Variants in SLC14A2 observed in about 807,000 individuals in gnomAD.
SLC14A2 encodes solute carrier family 14 member 2, also known as urea transporter 2.
SLC14A2 carries 91 observed loss-of-function variants against 104.6 expected under a neutral mutation model. That is an observed-to-expected ratio of 0.87 (90% confidence interval 0.73 to 1.04). The LOEUF (loss-of-function observed/expected upper bound fraction) is 1.04, where lower values mean the gene tolerates loss of function less well. Ranked by LOEUF, SLC14A2 falls within the 50% of genes least tolerant of loss-of-function variation. The pLI, the probability that SLC14A2 is intolerant of heterozygous loss-of-function variation, is 0.00. For missense variants in SLC14A2, 1,189 were observed against 1,156.0 expected (o/e 1.03, Z -0.41); for synonymous variants, 476 against 466.4 (o/e 1.02, Z -0.27).
intron 1 of SLC14A2, among the ~76,000 whole-genome samples, chr18:45,441,314 G>A (rs879782432): frequency 6.6e-6 from 1 of 152,206 alleles, no homozygotes; most frequent in East Asian, 1.9e-4. Context: ...TTGTGGAGGG[G>A]CATGATATTC....
intron 2 of SLC14A2, among the ~76,000 whole-genome samples, chr18:45,583,921 T>G (rs2044532758): frequency 6.6e-6 from 1 of 152,244 alleles, no homozygotes; most frequent in South Asian, 2.1e-4. Flanking sequence ...ATATGTGTAA[T>G]TTTAATTTTC....
At chr18:45,450,454 G>A (rs1335392209) in intron 1 of SLC14A2, among the ~76,000 whole-genome samples, 2 of 152,172 alleles carry the variant, frequency 1.3e-5, no homozygotes, top group Non-Finnish European at 2.9e-5. Context: ...GTAGCAGCAG[G>A]GATGGGAGAG....
chr18:45,275,882 G>T (rs909994167), intron 1 of SLC14A2, among the ~76,000 whole-genome samples: 1 of 152,176 alleles, frequency 6.6e-6, no homozygotes, highest in Non-Finnish European at 1.5e-5. Flanking sequence ...AAAATATGCA[G>T]GTCATTGAGA....
the SLC14A2 span, among the ~76,000 whole-genome samples, chr18:45,194,799 T>C: frequency 6.6e-6 from 1 of 151,564 alleles, no homozygotes; most frequent in Non-Finnish European, 1.5e-5. Flanking sequence ...GCACCTGCCA[T>C]CATGCCGGCT....
chr18:45,265,752 G>A (rs953233932), intron 1 of SLC14A2, among the ~76,000 whole-genome samples: 4 of 152,178 alleles, frequency 2.6e-5, no homozygotes, highest in Admixed American at 6.5e-5. Context: ...CCATCATTTG[G>A]GAAAGAAGTG....
chr18:45,499,393 T>G (rs1443343044), intron 2 of SLC14A2, among the ~76,000 whole-genome samples: 1 of 152,196 alleles, frequency 6.6e-6, no homozygotes, highest in Non-Finnish European at 1.5e-5. Flanking sequence ...TTCTGGTGAG[T>G]GCTCGACATT....
chr18:45,407,429 T>C (rs1378026911), intron 1 of SLC14A2, among the ~76,000 whole-genome samples: 1 of 152,240 alleles, frequency 6.6e-6, no homozygotes, highest in Non-Finnish European at 1.5e-5. Context: ...GTTGATCTTC[T>C]ATCTAGACCT....
chr18:45,565,972 G>A (rs2044260699), intron 2 of SLC14A2, among the ~76,000 whole-genome samples: 1 of 152,232 alleles, frequency 6.6e-6, no homozygotes, highest in African/African-American at 2.4e-5. Flanking sequence ...GTCAGGTGGG[G>A]ACATGTGTGT....
chr18:45,218,029 A>G (rs1044889355), intron 1 of SLC14A2, among the ~76,000 whole-genome samples: 3 of 152,212 alleles, frequency 2.0e-5, no homozygotes, highest in Non-Finnish European at 4.4e-5. Context: ...AAACATAAAT[A>G]ACATAAAATT....
intron 1 of SLC14A2, among the ~76,000 whole-genome samples, chr18:45,274,488 T>C (rs1347849848): frequency 6.6e-6 from 1 of 152,192 alleles, no homozygotes; most frequent in Non-Finnish European, 1.5e-5. Flanking sequence ...GTCCAAGCTT[T>C]CACAAGGTCC....
chr18:45,412,447 C>A (rs193020017), intron 1 of SLC14A2, among the ~76,000 whole-genome samples: 142 of 152,276 alleles, frequency 9.3e-4, no homozygotes, highest in African/African-American at 3.1e-3. Flanking sequence ...TGTGGTCCTG[C>A]CAGGTTGGCT....
chr18:45,328,426 C>T (rs12326278), intron 1 of SLC14A2, among the ~76,000 whole-genome samples: 7,018 of 152,246 alleles, frequency 0.046, 285 homozygotes, highest in African/African-American at 0.11. Context: ...AACTCTGTCA[C>T]AGCATTTTCA....
intron 1 of SLC14A2, among the ~76,000 whole-genome samples, chr18:45,352,748 G>GT (rs1283747954): frequency 1.3e-5 from 2 of 152,192 alleles, no homozygotes; most frequent in Non-Finnish European, 2.9e-5. Flanking sequence ...CTTCCCGGAA[G>GT]AAAGGAGAGT....
rs766250268 is a variant in SLC14A2 at position 45,627,005 on chromosome 18, G to T, written c.379G>T (p.Ala127Ser). 1.2e-6 allele frequency: 2 copies of T among 1,612,504 alleles called. No individual in the cohort carries two copies. Among genetic ancestry groups the T allele is most frequent in the Non-Finnish European group, 1.7e-6 (2 of 1,179,714 alleles). ...QFIDWVLRGT[A>S]QVMFINNPLS... ...CATAGACTGGGTCCTGAGAGGGACC[G>T]CTCAGGTGATGTTCATCAACAATCC... The change falls in exon 4 of 20, where the codon GCT becomes TCT. Residue 127 changes from alanine (A) to serine (S), a missense_variant. Transcript: ENST00000255226.
At chr18:45,549,455 C>T (rs991912951) in intron 2 of SLC14A2, among the ~76,000 whole-genome samples, 10 of 152,220 alleles carry the variant, frequency 6.6e-5, no homozygotes, top group African/African-American at 2.4e-4. Flanking sequence ...CTGCCTTCCC[C>T]AGACAGGAGA....
At chr18:45,260,812 TAAC>T (rs2084527823) in intron 1 of SLC14A2, among the ~76,000 whole-genome samples, 1 of 151,946 alleles carries the variant, frequency 6.6e-6, no homozygotes, top group Non-Finnish European at 1.5e-5. Context: ...ATAATGATGG[TAAC>T]AACAGATACT....
chr18:45,464,269 A>G (rs1014589094), intron 1 of SLC14A2, among the ~76,000 whole-genome samples: 12 of 152,148 alleles, frequency 7.9e-5, no homozygotes, highest in Non-Finnish European at 1.8e-4. Flanking sequence ...CTGGACCTCA[A>G]ATTTCCCATC....
chr18:45,252,664 A>G (rs1380502283), intron 1 of SLC14A2, among the ~76,000 whole-genome samples: 3 of 152,226 alleles, frequency 2.0e-5, no homozygotes, highest in Non-Finnish European at 2.9e-5. Context: ...TCACGGTTCT[A>G]GATCAATGAT....
At chr18:45,566,495 A>G (rs2044267632) in intron 2 of SLC14A2, among the ~76,000 whole-genome samples, 1 of 139,338 alleles carries the variant, frequency 7.2e-6, no homozygotes, top group African/African-American at 2.6e-5. Flanking sequence ...CTCGACATGC[A>G]TGTACATGCG....
Sources: allele counts gnomAD v4.1 joint callset (sites outside exome capture counted in the v4.1 genomes callset), GRCh38; gene constraint gnomAD v4.1.1; transcripts MANE v1.5; gene names NCBI Gene and HGNC (gene_info 2026-07-23, HGNC 2026-07-21).